The following NRG1 variants were observed in gnomAD, a reference collection of about 807,000 sequenced individuals.
NRG1 encodes neuregulin 1.
NRG1 carries 18 observed loss-of-function variants against 63.8 expected under a neutral mutation model. The observed-to-expected ratio is 0.28, with a 90% confidence interval of 0.19 to 0.42. NRG1 has a LOEUF of 0.42. NRG1 is among the 10% of genes least tolerant of loss of function. The probability of loss-of-function intolerance (pLI) is 1.00; values close to 1 mark genes in which losing one functional copy is unlikely to be tolerated. For synonymous variants in NRG1, 302 were observed against 301.3 expected (o/e 1.00, Z -0.02); for missense variants, 762 against 814.7 (o/e 0.94, Z 0.79).
chr8:32,460,222 A>G (rs917197493), intron 1 of NRG1, among the ~76,000 whole-genome samples: 2 of 152,242 alleles, frequency 1.3e-5, no homozygotes, highest in African/African-American at 2.4e-5. Flanking sequence ...AGTGAGTCAG[A>G]CAATATGTCC....
intron 1 of NRG1, among the ~76,000 whole-genome samples, chr8:31,908,525 A>T (rs2129616852): frequency 6.6e-6 from 1 of 152,306 alleles, no homozygotes; most frequent in Admixed American, 6.5e-5. Context: ...ACTCACATTT[A>T]AAAAATGCCA....
At chr8:32,028,216 C>T (rs1026957734) in intron 1 of NRG1, among the ~76,000 whole-genome samples, 3 of 152,078 alleles carry the variant, frequency 2.0e-5, no homozygotes, top group Non-Finnish European at 4.4e-5. Context: ...GTGTCCATAC[C>T]GTTTTTTTGG....
chr8:32,688,857 C>G (rs1810854681), intron 5 of NRG1, among the ~76,000 whole-genome samples: 1 of 152,070 alleles, frequency 6.6e-6, no homozygotes. Context: ...CTCCTGAAAC[C>G]ACAGCTTGCT....
At chr8:31,867,498 A>T (rs1232664452) in intron 1 of NRG1, among the ~76,000 whole-genome samples, 1 of 152,134 alleles carries the variant, frequency 6.6e-6, no homozygotes, top group Non-Finnish European at 1.5e-5. Flanking sequence ...TCTATCTGTC[A>T]TGAGTGGTTT....
intron 1 of NRG1, among the ~76,000 whole-genome samples, chr8:32,274,804 C>A (rs2129472716): frequency 6.6e-6 from 1 of 152,236 alleles, no homozygotes; most frequent in African/African-American, 2.4e-5. Context: ...GCAAACCCTC[C>A]AACAAATGTA....
chr8:31,804,559 C>A (rs1178912634), intron 1 of NRG1, among the ~76,000 whole-genome samples: 2 of 152,074 alleles, frequency 1.3e-5, no homozygotes, highest in African/African-American at 2.4e-5. Flanking sequence ...TGTTATATAT[C>A]TCTCTAGAAA....
At chr8:31,869,321 C>G (rs1829277190) in intron 1 of NRG1, among the ~76,000 whole-genome samples, 1 of 152,132 alleles carries the variant, frequency 6.6e-6, no homozygotes. Flanking sequence ...CTGCATAGAT[C>G]TTAACTTGTA....
intron 1 of NRG1, among the ~76,000 whole-genome samples, chr8:32,275,104 A>G (rs1053187875): frequency 1.3e-5 from 2 of 152,040 alleles, no homozygotes; most frequent in African/African-American, 4.8e-5. Flanking sequence ...AGAGCATCCC[A>G]CAACATTGAA....
intron 1 of NRG1, among the ~76,000 whole-genome samples, chr8:32,168,357 G>A (rs969596400): frequency 7.9e-5 from 12 of 152,178 alleles, no homozygotes; most frequent in African/African-American, 2.4e-4. Context: ...GTGCTTTGCT[G>A]CCTGGTGCCT....
Position 31,731,307 on chromosome 8 carries a change from G to T in NRG1, c.37+91876G>T, listed in dbSNP as rs13253310. On this transcript the variant is annotated intron_variant, in intron 1 of 10. Transcript: ENST00000519301. Reference sequence around the variant, plus strand: ...CATGTCCAACTGAAGAGGAATTAGGGTTTAATGATTTAAGAAGATATCATG... The same window carrying T: ...CATGTCCAACTGAAGAGGAATTAGGTTTTAATGATTTAAGAAGATATCATG... 3.3e-5 allele frequency among the ~76,000 whole-genome samples: 5 copies of T among 151,864 alleles called. No individual in the cohort carries two copies. The East Asian group carries it at 9.7e-4, about 30-fold the overall frequency.
intron 1 of NRG1, among the ~76,000 whole-genome samples, chr8:32,535,950 AC>A (rs1351454008): frequency 6.6e-6 from 1 of 152,008 alleles, no homozygotes; most frequent in Non-Finnish European, 1.5e-5. Flanking sequence ...CACATTCCAA[AC>A]TTTCTTCCTA....
rs147087011 is a variant in NRG1 at position 31,885,889 on chromosome 8, G to A, written c.37+246458G>A. On this transcript the variant is annotated intron_variant, in intron 1 of 10. Coordinates refer to the NRG1 transcript ENST00000519301. ...CTTAAAATAGGGTTATTAATATTAC[G>A]GAGAAAGTCACACTGCTGGGTAATC... Among the ~76,000 whole-genome samples the A allele has an allele frequency of 1.8e-4, 28 of 152,106 alleles. No homozygotes were observed. In the East Asian group the frequency reaches 4.6e-3, roughly 25 times the overall value.
intron 1 of NRG1, among the ~76,000 whole-genome samples, chr8:32,560,802 T>C (rs1235877116): frequency 6.6e-6 from 1 of 152,226 alleles, no homozygotes; most frequent in Admixed American, 6.5e-5. Flanking sequence ...TTTGAGTACA[T>C]AGAAGCAACT....
rs1831120883 is a variant in NRG1, at chr8:32,763,737, T to C, written c.1260-11T>C. The C allele has an allele frequency of 3.3e-6, 5 of 1,531,702 alleles. No homozygotes were observed. The highest frequency in any genetic ancestry group is 4.4e-6 in the Non-Finnish European group (5 of 1,140,582). 94.9% of individuals were successfully genotyped at this position (1,531,702 alleles called of 1,614,324 possible). ...CACCACACTTATGCAGGGTATTCTG[T>C]GCTCACACAGGTATGTGTCAGCCAT... On this transcript the variant is annotated splice_polypyrimidine_tract_variant and intron_variant, in intron 11 of 11. Coordinates refer to ENST00000356819, the Ensembl canonical transcript of NRG1.
At chr8:31,839,174 C>A (rs1173721997) in intron 1 of NRG1, among the ~76,000 whole-genome samples, 2 of 152,054 alleles carry the variant, frequency 1.3e-5, no homozygotes, top group Admixed American at 6.6e-5. Flanking sequence ...ACTTTAAAAG[C>A]CTTATTCTTT....
intron 1 of NRG1, among the ~76,000 whole-genome samples, chr8:31,907,584 T>C (rs535805126): frequency 8.3e-4 from 126 of 152,316 alleles, no homozygotes; most frequent in Middle Eastern, 3.4e-3. Context: ...ACACATAGTA[T>C]GTGCTTTGTA....
chr8:32,616,980 A>T, intron 5 of NRG1, 95 bp downstream of exon 5: 1 of 931,532 alleles, frequency 1.1e-6, no homozygotes, highest in Non-Finnish European at 1.7e-6. Context: ...GCCCCTATTA[A>T]GGGTCAGAGT....
At chr8:32,314,227 G>C (rs1857124101) in intron 1 of NRG1, among the ~76,000 whole-genome samples, 1 of 152,078 alleles carries the variant, frequency 6.6e-6, no homozygotes, top group Non-Finnish European at 1.5e-5. Flanking sequence ...AGAGTGGCAG[G>C]ATGGCTCTTT....
At chr8:32,309,452 C>A (rs1033847226) in intron 1 of NRG1, among the ~76,000 whole-genome samples, 1 of 152,166 alleles carries the variant, frequency 6.6e-6, no homozygotes, top group African/African-American at 2.4e-5. Flanking sequence ...CTTCAGACTT[C>A]ACTGTCTTGT....
Sources: gnomAD v4.1 joint callset for allele counts (sites outside exome capture counted in the v4.1 genomes callset) on GRCh38, gnomAD v4.1.1 for gene constraint, MANE v1.5 for transcripts, NCBI Gene and HGNC (gene_info 2026-07-23, HGNC 2026-07-21) for gene names.